IGFBP7: variants seen among roughly 807,000 people sequenced by gnomAD.
The protein encoded by IGFBP7 is insulin like growth factor binding protein 7.
IGFBP7 carries 31 observed loss-of-function variants against 29.4 expected under a neutral mutation model. That is an observed-to-expected ratio of 1.05 (90% CI 0.79 to 1.42). IGFBP7 has a LOEUF of 1.42. Ranked by LOEUF, IGFBP7 falls within the 40% of genes most tolerant of loss-of-function variation. The probability of loss-of-function intolerance (pLI) is 0.00; values close to 1 mark genes in which losing one functional copy is unlikely to be tolerated. For missense variants in IGFBP7, 393 were observed against 395.5 expected (o/e 0.99, Z 0.05); for synonymous variants, 172 against 174.9 (o/e 0.98, Z 0.13).
chr4:57,034,235 T>C (rs184436895), intron 2 of IGFBP7, among the ~76,000 whole-genome samples: 1 of 152,114 alleles, frequency 6.6e-6, no homozygotes, highest in Non-Finnish European at 1.5e-5. Context: ...TGTTTTATTA[T>C]ATAAACTCTG....
At chr4:57,095,889 G>A (rs1215005252) in intron 1 of IGFBP7, among the ~76,000 whole-genome samples, 1 of 152,024 alleles carries the variant, frequency 6.6e-6, no homozygotes, top group African/African-American at 2.4e-5. Context: ...CAGTGTGAAG[G>A]TTCCCCTTTC....
intron 1 of IGFBP7, among the ~76,000 whole-genome samples, chr4:57,044,831 C>T (rs1334199751): frequency 6.6e-6 from 1 of 152,172 alleles, no homozygotes; most frequent in Non-Finnish European, 1.5e-5. Context: ...AATCATCTTA[C>T]TATTCCAAGA....
At chr4:57,088,754 C>T (rs1418852720) in intron 1 of IGFBP7, among the ~76,000 whole-genome samples, 3 of 151,934 alleles carry the variant, frequency 2.0e-5, no homozygotes, top group Non-Finnish European at 2.9e-5. Context: ...GCTGGCTGGG[C>T]ACGGTGGCTC....
chr4:57,048,437 G>A (rs1433553853), intron 1 of IGFBP7, among the ~76,000 whole-genome samples: 1 of 152,098 alleles, frequency 6.6e-6, no homozygotes, highest in Non-Finnish European at 1.5e-5. Context: ...CTAGAAATAG[G>A]TATGTTCTGA....
intron 1 of IGFBP7, among the ~76,000 whole-genome samples, chr4:57,050,071 A>G (rs6554404): frequency 0.094 from 14,278 of 152,058 alleles, 818 homozygotes; most frequent in African/African-American, 0.15. Flanking sequence ...ACCAATTAGT[A>G]TATGACCAGG....
At chr4:57,066,615 G>GTGCA (rs1307994352) in intron 1 of IGFBP7, among the ~76,000 whole-genome samples, 2 of 151,846 alleles carry the variant, frequency 1.3e-5, no homozygotes, top group East Asian at 3.9e-4. Context: ...CCAGGCTGGA[G>GTGCA]TGCATTGGTG....
At chr4:57,097,249 T>C (rs948399510) in intron 1 of IGFBP7, among the ~76,000 whole-genome samples, 4 of 152,194 alleles carry the variant, frequency 2.6e-5, no homozygotes, top group African/African-American at 9.7e-5. Flanking sequence ...AGCTTGAAGA[T>C]GGAAATATTT....
chr4:57,088,987 A>ACAC (rs1560506151), intron 1 of IGFBP7, among the ~76,000 whole-genome samples: 1 of 147,616 alleles, frequency 6.8e-6, no homozygotes, highest in Non-Finnish European at 1.5e-5. Flanking sequence ...AGTGGAGATC[A>ACAC]CACCACTGCA....
intron 1 of IGFBP7, among the ~76,000 whole-genome samples, chr4:57,079,819 C>T (rs1018585278): frequency 6.6e-6 from 1 of 152,158 alleles, no homozygotes; most frequent in African/African-American, 2.4e-5. Context: ...CTGTCCTTAC[C>T]ATTGCCTCTA....
At chr4:57,095,761 C>T (rs192423026) in intron 1 of IGFBP7, among the ~76,000 whole-genome samples, 4 of 152,200 alleles carry the variant, frequency 2.6e-5, no homozygotes, top group Non-Finnish European at 4.4e-5. Context: ...AGATGCCCAT[C>T]GGAAAGGCCT....
At chr4:57,105,099 G>A (rs1260412834) in intron 1 of IGFBP7, among the ~76,000 whole-genome samples, 2 of 152,156 alleles carry the variant, frequency 1.3e-5, no homozygotes, top group Non-Finnish European at 2.9e-5. Context: ...AGTTGGGGAA[G>A]GTCTATAGTA....
intron 1 of IGFBP7, among the ~76,000 whole-genome samples, chr4:57,059,059 C>T (rs1440795807): frequency 2.6e-5 from 4 of 152,136 alleles, no homozygotes; most frequent in African/African-American, 7.2e-5. Context: ...CATCTTACAC[C>T]AGTCAGAATT....
intron 1 of IGFBP7, among the ~76,000 whole-genome samples, chr4:57,106,352 C>T (rs1413674859): frequency 6.6e-6 from 1 of 151,916 alleles, no homozygotes; most frequent in African/African-American, 2.4e-5. Flanking sequence ...GGATCATAGG[C>T]AAGAGTTCAA....
At chr4:57,088,345 A>T (rs1446852046) in intron 1 of IGFBP7, among the ~76,000 whole-genome samples, 1 of 152,162 alleles carries the variant, frequency 6.6e-6, no homozygotes, top group Non-Finnish European at 1.5e-5. Flanking sequence ...CACAAATATA[A>T]TGTTAAAATA....
chr4:57,033,392 A>C, intron 2 of IGFBP7, 81 bp from the exon 3 acceptor site: 1 of 882,050 alleles, frequency 1.1e-6, no homozygotes, highest in Non-Finnish European at 2.0e-6. Context: ...CTACAATTGC[A>C]CATAGTGTAT....
intron 1 of IGFBP7, among the ~76,000 whole-genome samples, chr4:57,055,515 A>T (rs1221032579): frequency 6.6e-6 from 1 of 152,154 alleles, no homozygotes; most frequent in African/African-American, 2.4e-5. Context: ...GCCAAGTACT[A>T]CTTGGGAGGT....
intron 1 of IGFBP7, among the ~76,000 whole-genome samples, chr4:57,105,752 C>T (rs1321984999): frequency 6.6e-6 from 1 of 152,090 alleles, no homozygotes; most frequent in Non-Finnish European, 1.5e-5. Context: ...TACAGATACA[C>T]AGTACACGTG....
At position 57,046,619 on chromosome 4, in the gene IGFBP7, C is replaced by T. The variant is rs1039950736; in HGVS notation, c.476-5686G>A. 2.6e-5 allele frequency among the ~76,000 whole-genome samples: 4 copies of T among 152,262 alleles called. No individual in the cohort carries two copies. In the East Asian group the frequency reaches 5.8e-4, roughly 22 times the overall value. On this transcript the variant is annotated intron_variant, in intron 1 of 4. Transcript: ENST00000295666. The stretch of plus-strand genomic sequence containing the variant: ...GAATTCTTAAATGTATAGGGACAAA[C>T]ATCAGGATAGGTCCAATTATTTATT...
intron 1 of IGFBP7, chr4:57,072,911 A>T: frequency 1.4e-6 from 1 of 718,718 alleles, no homozygotes; most frequent in South Asian, 1.3e-5. Context: ...CCACCCCAAC[A>T]TGGACACCCA....
Sources: allele counts gnomAD v4.1 joint callset (sites outside exome capture counted in the v4.1 genomes callset), GRCh38; gene constraint gnomAD v4.1.1; transcripts MANE v1.5; gene names NCBI Gene and HGNC (gene_info 2026-07-23, HGNC 2026-07-21).